TASP1: variants seen among roughly 807,000 people sequenced by gnomAD.
TASP1 encodes threonine aspartase 1.
TASP1 carries 16 observed loss-of-function variants against 56.6 expected under a neutral mutation model. The observed-to-expected ratio is 0.28, with a 90% CI of 0.19 to 0.43. The LOEUF (loss-of-function observed/expected upper bound fraction) is 0.43, where lower values mean the gene tolerates loss of function less well. Ranked by LOEUF, TASP1 falls within the 20% of genes least tolerant of loss-of-function variation. TASP1 has a pLI of 1.00. For synonymous variants in TASP1, 179 were observed against 184.2 expected (o/e 0.97, Z 0.23); for missense variants, 393 against 511.6 (o/e 0.77, Z 2.24).
At chr20:13,276,591 G>GA in the TASP1 span, among the ~76,000 whole-genome samples, 2 of 152,068 alleles carry the variant, frequency 1.3e-5, no homozygotes. Flanking sequence ...AAGTCCAGAA[G>GA]AAAAAAATAT....
rs549261318 is a variant in TASP1, at chr20:13,557,330, C to T, written c.675+1678G>A. On this transcript the variant is annotated intron_variant, in intron 8 of 13. Transcript: ENST00000337743. ...TAATAAAAGCTTTCTGTGAAAGAAG[C>T]CAAACAGAAAAGAGTACATTCTGTA... Among the ~76,000 whole-genome samples the T allele has an allele frequency of 3.3e-5, 5 of 151,980 alleles. No homozygotes were observed. The South Asian group carries it at 1.0e-3, about 32-fold the overall frequency.
chr20:13,469,771 T>C (rs983278191), intron 11 of TASP1, among the ~76,000 whole-genome samples: 4 of 147,476 alleles, frequency 2.7e-5, no homozygotes, highest in African/African-American at 7.5e-5. Flanking sequence ...CAAATGACAG[T>C]TGTCCAGGTC....
chr20:13,106,376 C>A, the TASP1 span, among the ~76,000 whole-genome samples: 1 of 152,056 alleles, frequency 6.6e-6, no homozygotes, highest in Non-Finnish European at 1.5e-5. Context: ...ACGAACATCG[C>A]GATGAGTGCT....
intron 1 of TASP1, among the ~76,000 whole-genome samples, chr20:13,638,284 C>A (rs182456678): frequency 9.2e-5 from 14 of 152,258 alleles, no homozygotes; most frequent in African/African-American, 3.4e-4. Context: ...CCCTCCCCTA[C>A]AGAAGCCAGG....
chr20:13,218,246 C>CAA, the TASP1 span, among the ~76,000 whole-genome samples: 7 of 72,636 alleles, frequency 9.6e-5, no homozygotes, highest in African/African-American at 2.6e-4. Flanking sequence ...GTGACTCTGT[C>CAA]AAAAAAAAAA....
chr20:13,345,916 T>TAAAAAAAAAAAAAAAAAAAA, the TASP1 span, among the ~76,000 whole-genome samples: 1 of 101,332 alleles, frequency 9.9e-6, no homozygotes, highest in Non-Finnish European at 2.1e-5. Context: ...CTCAGTAGGT[T>TAAAAAAAAAAAAAAAAAAAA]AAAAAAAAAA....
intron 10 of TASP1, among the ~76,000 whole-genome samples, chr20:13,523,417 C>A (rs968544188): frequency 1.3e-5 from 2 of 152,174 alleles, no homozygotes; most frequent in African/African-American, 2.4e-5. Flanking sequence ...CACATAACCC[C>A]CCTCTCACAG....
the TASP1 span, among the ~76,000 whole-genome samples, chr20:13,277,643 CT>C: frequency 0.31 from 45,138 of 145,376 alleles, 9,068 homozygotes; most frequent in African/African-American, 0.58. Context: ...CCCCCCTACC[CT>C]TTTTTTTTTT....
chr20:13,221,720 T>TCAC, the TASP1 span: 1 of 1,322,548 alleles, frequency 7.6e-7, no homozygotes, highest in East Asian at 3.2e-5. Flanking sequence ...TCCCCCGGCG[T>TCAC]CACCGCCGCC....
the TASP1 span, among the ~76,000 whole-genome samples, chr20:13,120,088 G>C: frequency 6.6e-6 from 1 of 152,270 alleles, no homozygotes; most frequent in South Asian, 2.1e-4. Flanking sequence ...ATTTTGTGAA[G>C]AATTTTTACT....
intron 8 of TASP1, among the ~76,000 whole-genome samples, chr20:13,553,637 T>C (rs1428636208): frequency 6.6e-6 from 1 of 152,180 alleles, no homozygotes; most frequent in African/African-American, 2.4e-5. Flanking sequence ...TTTAAAGTAT[T>C]TTATCTTAAA....
chr20:13,316,930 T>G, the TASP1 span, among the ~76,000 whole-genome samples: 1 of 151,440 alleles, frequency 6.6e-6, no homozygotes, highest in African/African-American at 2.4e-5. Flanking sequence ...ACAAGTCCTA[T>G]CTAATGCAAT....
At chr20:13,204,543 A>ATATATATATATG in the TASP1 span, among the ~76,000 whole-genome samples, 1 of 150,882 alleles carries the variant, frequency 6.6e-6, no homozygotes, top group African/African-American at 2.4e-5. Context: ...ATATATATAT[A>ATATATATATATG]TATGTATATT....
At chr20:13,138,022 GCCACCAAC>G in the TASP1 span, among the ~76,000 whole-genome samples, 1 of 152,224 alleles carries the variant, frequency 6.6e-6, no homozygotes, top group South Asian at 2.1e-4. Flanking sequence ...TCTAGTTCTT[GCCACCAAC>G]CCAGGGAGAC....
chr20:13,423,841 T>C (rs2042530808), intron 12 of TASP1, among the ~76,000 whole-genome samples: 1 of 152,232 alleles, frequency 6.6e-6, no homozygotes, highest in African/African-American at 2.4e-5. Context: ...GAAGAATTTC[T>C]TCCCTGTTTA....
intron 11 of TASP1, among the ~76,000 whole-genome samples, chr20:13,475,892 T>C (rs2044709977): frequency 7.1e-6 from 1 of 140,532 alleles, no homozygotes; most frequent in Admixed American, 7.4e-5. Flanking sequence ...CAAGACTCCA[T>C]CTCAAAAACA....
At chr20:13,429,018 G>A (rs1261476531) in intron 12 of TASP1, among the ~76,000 whole-genome samples, 1 of 152,150 alleles carries the variant, frequency 6.6e-6, no homozygotes, top group Non-Finnish European at 1.5e-5. Context: ...AGAAGCAGTG[G>A]AATTTTCCAG....
At chr20:13,287,246 AG>A in the TASP1 span, among the ~76,000 whole-genome samples, 203 of 152,328 alleles carry the variant, frequency 1.3e-3, no homozygotes, top group African/African-American at 4.7e-3. Flanking sequence ...TGGAAGGCAA[AG>A]GAAGAGCAAA....
At chr20:13,183,017 A>C in the TASP1 span, among the ~76,000 whole-genome samples, 1 of 152,186 alleles carries the variant, frequency 6.6e-6, no homozygotes, top group Non-Finnish European at 1.5e-5. Context: ...CAAGATGTGG[A>C]GTTTATTTCT....
Sources: gnomAD v4.1 joint callset for allele counts (sites outside exome capture counted in the v4.1 genomes callset) on GRCh38, gnomAD v4.1.1 for gene constraint, MANE v1.5 for transcripts, NCBI Gene and HGNC (gene_info 2026-07-23, HGNC 2026-07-21) for gene names.